Variants in BIRC6 observed in about 807,000 individuals in gnomAD.
BIRC6 encodes dual E2 ubiquitin-conjugating enzyme/E3 ubiquitin-protein ligase BIRC6.
Under a neutral mutation model 503.3 loss-of-function variants are expected in BIRC6, and 98 were observed. That is an observed-to-expected ratio of 0.19 (90% confidence interval 0.17 to 0.23). The LOEUF is 0.23. Ranked by LOEUF, BIRC6 falls within the 10% of genes least tolerant of loss-of-function variation. The pLI is 1.00. For missense variants in BIRC6, 5,360 were observed against 5,806.0 expected, an observed-to-expected ratio of 0.92 and a Z score of 2.50; for synonymous variants, 2,240 against 2,078.7, an observed-to-expected ratio of 1.08 and a Z score of -2.11.
intron 72 of BIRC6, among the ~76,000 whole-genome samples, chr2:32,608,422 T>C (rs1439180591): frequency 6.6e-6 from 1 of 152,136 alleles, no homozygotes; most frequent in Non-Finnish European, 1.5e-5. Flanking sequence ...CTCCTTTCCT[T>C]TCCTCCTGTC....
intron 66 of BIRC6, among the ~76,000 whole-genome samples, chr2:32,581,021 A>G (rs1022834140): frequency 6.6e-6 from 1 of 152,224 alleles, no homozygotes; most frequent in African/African-American, 2.4e-5. Context: ...GACGTCTACA[A>G]TGTTAGGCAG....
Position 32,467,671 on chromosome 2 carries a change from A to T in BIRC6, c.5503A>T (p.Thr1835Ser). 6.2e-7 allele frequency: 1 copy of T among 1,613,928 alleles called. No homozygotes were observed. The highest frequency in any genetic ancestry group is 8.5e-7 in the Non-Finnish European group (1 of 1,179,868). Residue 1835 changes from threonine (T) to serine (S), a missense_variant, in exon 27 of 74, where the codon ACT (threonine) becomes TCT (serine). Physicochemically the swap from Thr to Ser is moderately conservative, Grantham distance 58. Transcript: ENST00000421745. ...EVDGRRLVVATDISTHSLILH... is the reference protein window; with the variant it reads ...EVDGRRLVVASDISTHSLILH... ...GGATGGAAGGCGGTTGGTAGTGGCA[A>T]CTGATATAAGCACTCATTCACTAAT...
At chr2:32,382,760 G>A (rs1208551794) in intron 3 of BIRC6, among the ~76,000 whole-genome samples, 2 of 152,214 alleles carry the variant, frequency 1.3e-5, no homozygotes, top group Admixed American at 6.5e-5. Context: ...GTCTTGTGCT[G>A]TTGCCCAGGC....
chr2:32,430,039 A>G (rs559638897), intron 11 of BIRC6, among the ~76,000 whole-genome samples: 6 of 152,350 alleles, frequency 3.9e-5, no homozygotes, highest in South Asian at 4.1e-4. Flanking sequence ...GAAGATTGAC[A>G]TGCTGTTAAT....
At chr2:32,359,958 A>T (rs957391286) in intron 1 of BIRC6, among the ~76,000 whole-genome samples, 5 of 152,122 alleles carry the variant, frequency 3.3e-5, no homozygotes, top group Admixed American at 3.3e-4. Flanking sequence ...GCTGCATTTT[A>T]TGTTTTACTT....
chr2:32,412,096 A>G (rs1297130579), intron 9 of BIRC6, among the ~76,000 whole-genome samples: 2 of 152,092 alleles, frequency 1.3e-5, no homozygotes, highest in Non-Finnish European at 2.9e-5. Flanking sequence ...TGTGATTAAT[A>G]TCACAGGTTT....
chr2:32,490,008 G>GA, intron 42 of BIRC6, 33 bp from the exon 43 acceptor site: 1 of 1,437,540 alleles, frequency 7.0e-7, no homozygotes. Flanking sequence ...TTGTTTTTCT[G>GA]AAAAATATTT....
chr2:32,495,932 G>T (rs2052407803), intron 45 of BIRC6, among the ~76,000 whole-genome samples: 1 of 151,816 alleles, frequency 6.6e-6, no homozygotes, highest in Non-Finnish European at 1.5e-5. Flanking sequence ...CCGCCTCCTG[G>T]GTTCACGCCA....
Position 32,477,403 on chromosome 2 carries a change from A to G in BIRC6, c.6888A>G (p.Ala2296=). The part of the protein sequence containing the change: ...FKDLIRLRRT[A]EWSRSNLDTE... ...ATTTAATTCGTTTACGTCGGACAGC[A>G]GAATGGTCCCGTTCTAATTTAGACA... Residue 2296 remains alanine, a synonymous_variant, in exon 35 of 74, where the codon GCA becomes GCG. Transcript: ENST00000421745. The G allele has an allele frequency of 6.2e-7, 1 of 1,613,960 alleles. No individual in the cohort carries two copies. Among genetic ancestry groups the G allele is most frequent in the Non-Finnish European group, 8.5e-7 (1 of 1,179,864 alleles).
In BIRC6 at chr2:32,509,800, T is replaced by C; in HGVS notation, c.10043T>C (p.Met3348Thr). Reference sequence around the variant, plus strand: ...CACATAAGTGATCTAGAAGGAATGATGGCAAGTGCAGCTGCACCTACTGCT... The same window carrying C: ...CACATAAGTGATCTAGAAGGAATGACGGCAAGTGCAGCTGCACCTACTGCT... ...LTHISDLEGM[M>T]ASAAAPTANL... The change falls in exon 52 of 74, where the codon ATG (methionine) becomes ACG (threonine). Residue 3348 changes from methionine to threonine, a missense_variant. By Grantham distance (81) the Met-to-Thr change is moderately conservative (BLOSUM62 -1). Coordinates refer to ENST00000421745, the MANE Select transcript of BIRC6 (RefSeq NM_016252.4). The C allele has an allele frequency of 6.2e-7, 1 of 1,614,030 alleles. No individual in the cohort carries two copies. Among genetic ancestry groups the C allele is most frequent in the Non-Finnish European group, 8.5e-7 (1 of 1,179,882 alleles).
rs1200453922 is a variant in BIRC6 at position 32,439,544 on chromosome 2, A to T, written c.3668A>T (p.His1223Leu). Residue 1223 changes from histidine to leucine, a missense_variant, in exon 16 of 74, where the codon CAT becomes CTT. Coordinates refer to ENST00000421745, the MANE Select transcript of BIRC6 (RefSeq NM_016252.4). ...GGAAAATATCGTTCGTTTTTAATCC[A>T]TGTCAAGGCAGTGAATGAAAGAGGA... is the stretch of plus-strand genomic sequence containing the variant. ...AGGKYRSFLI[H>L]VKAVNERGTE... 1 of 1,613,818 alleles carries T rather than the reference A, an allele frequency of 6.2e-7. No homozygotes were observed. The highest frequency in any genetic ancestry group is 1.7e-5 in the Admixed American group (1 of 60,002).
In BIRC6 at chr2:32,602,878, T is replaced by A. The variant is rs953845040; in HGVS notation, c.13993-128T>A. The A allele has an allele frequency of 3.9e-4, 256 of 656,436 alleles. 1 individual carries two copies. The highest frequency in any genetic ancestry group is 6.3e-5 in the Non-Finnish European group (26 of 410,008). The allele number at this position is 656,436 out of a possible 1,614,324, so 40.7% of individuals were successfully genotyped here. A position where few individuals can be genotyped will look rare whatever the true frequency, so the allele number is the denominator to read the frequency against. On this transcript the variant is annotated intron_variant, in intron 70 of 73. Transcript: ENST00000421745. ...TTGTTTTAACAGACAACCCTTAGGG[T>A]TTTATCTAGGGGACATATAAAACTG...
At position 32,377,721 on chromosome 2, in the gene BIRC6, A is replaced by G. The variant is rs2037014001; in HGVS notation, c.459A>G (p.Pro153=). The change falls in exon 2 of 74, where the codon CCA becomes CCG. Residue 153 remains proline (P), a synonymous_variant. Coordinates refer to ENST00000421745, the MANE Select transcript of BIRC6 (RefSeq NM_016252.4). ...TGTTAGACACTGCTCTGCAAACTCCAGTTTCAAAGCAGGATGATGTGGTTC... is the reference window on the plus strand; with the variant it reads ...TGTTAGACACTGCTCTGCAAACTCCGGTTTCAAAGCAGGATGATGTGGTTC... ...ILLLDTALQT[P]VSKQDDVVQL... 16 of 1,613,734 alleles carry G rather than the reference A, an allele frequency of 9.9e-6. No homozygotes were observed. Among genetic ancestry groups the G allele is most frequent in the Non-Finnish European group, 1.3e-5 (15 of 1,179,760 alleles).
chr2:32,591,956 G>A (rs577240913), intron 66 of BIRC6, among the ~76,000 whole-genome samples: 32 of 152,220 alleles, frequency 2.1e-4, no homozygotes, highest in Non-Finnish European at 3.7e-4. Context: ...GCAGAAGTTG[G>A]TAATCTGTTT....
intron 50 of BIRC6, among the ~76,000 whole-genome samples, chr2:32,506,353 A>T (rs1170417048): frequency 2.0e-5 from 3 of 152,222 alleles, no homozygotes; most frequent in African/African-American, 4.8e-5. Flanking sequence ...TGTTTGCAAG[A>T]TTAGACTGAT....
chr2:32,538,284 A>G (rs1386889899), intron 61 of BIRC6, among the ~76,000 whole-genome samples: 1 of 152,148 alleles, frequency 6.6e-6, no homozygotes, highest in Non-Finnish European at 1.5e-5. Flanking sequence ...ATTATTAAAC[A>G]TAGGCATTTT....
In BIRC6 at chr2:32,388,723, T is replaced by G. The variant is rs377760227; in HGVS notation, c.646-27T>G. 144 of 1,488,954 alleles carry G rather than the reference T, an allele frequency of 9.7e-5. No individual in the cohort carries two copies. In the African/African-American group the frequency reaches 1.8e-3, roughly 19 times the overall value. 92.2% of individuals were successfully genotyped at this position (1,488,954 alleles called of 1,614,324 possible). On this transcript the variant is annotated intron_variant, in intron 3 of 73. Coordinates refer to ENST00000421745, the MANE Select transcript of BIRC6 (RefSeq NM_016252.4). ...GTTAAAACTGTTGAGTACATTTTCC[T>G]TTGCTTATACTCCCATTTTCTTTCA... is the stretch of plus-strand genomic sequence containing the variant.
intron 72 of BIRC6, among the ~76,000 whole-genome samples, chr2:32,610,115 C>T (rs973901722): frequency 5.3e-5 from 8 of 152,292 alleles, no homozygotes; most frequent in Admixed American, 3.3e-4. Context: ...ATCCCAGAGG[C>T]TTCAAACCCA....
At chr2:32,516,833 C>A (rs1326519892) in intron 55 of BIRC6, among the ~76,000 whole-genome samples, 2 of 152,002 alleles carry the variant, frequency 1.3e-5, no homozygotes, top group Non-Finnish European at 2.9e-5. Context: ...GCTAGCAATA[C>A]CTGCCTCAAG....
Sources: allele counts gnomAD v4.1 joint callset (sites outside exome capture counted in the v4.1 genomes callset), GRCh38; gene constraint gnomAD v4.1.1; transcripts MANE v1.5; gene names NCBI Gene and HGNC (gene_info 2026-07-23, HGNC 2026-07-21).